The following BPIFA2 variants were observed in gnomAD, a reference collection of about 807,000 sequenced individuals.
BPIFA2 encodes BPI fold containing family A member 2.
In BPIFA2, 20 loss-of-function variants were observed where a neutral mutation model predicts 25.7. That is an observed-to-expected ratio of 0.78 (90% CI 0.55 to 1.13). The LOEUF is 1.13. Ranked by LOEUF, BPIFA2 falls within the 50% of genes most tolerant of loss-of-function variation. BPIFA2 has a pLI of 0.00. For synonymous variants in BPIFA2, 126 were observed against 124.3 expected (o/e 1.01, Z -0.09); for missense variants, 300 against 298.1 (o/e 1.01, Z -0.05).
At chr20:33,176,892 G>A (rs546355154) in intron 5 of BPIFA2, among the ~76,000 whole-genome samples, 2 of 151,806 alleles carry the variant, frequency 1.3e-5, no homozygotes, top group Non-Finnish European at 2.9e-5. Flanking sequence ...TGGCTACCTA[G>A]AGCACCTTCT....
At position 33,180,507 on chromosome 20, in the gene BPIFA2, T is replaced by G. The variant is rs1479659008; in HGVS notation, c.710-13T>G. 12 of 1,611,908 alleles carry G rather than the reference T, an allele frequency of 7.4e-6. No individual in the cohort carries two copies. Among genetic ancestry groups the G allele is most frequent in the Non-Finnish European group, 1.0e-5 (12 of 1,178,012 alleles). On this transcript the variant is annotated splice_polypyrimidine_tract_variant and intron_variant, in intron 7 of 8. Coordinates refer to ENST00000354932, the MANE Select transcript of BPIFA2 (RefSeq NM_080574.4). Reference sequence around the variant, plus strand: ...GCAGAGACTAAGGCCTGCTATTGATTTTGTTTCTTCAGATAATCCTCAGCA... The same window carrying G: ...GCAGAGACTAAGGCCTGCTATTGATGTTGTTTCTTCAGATAATCCTCAGCA...
At chr20:33,171,389 G>C (rs1983892887) in intron 2 of BPIFA2, among the ~76,000 whole-genome samples, 1 of 152,130 alleles carries the variant, frequency 6.6e-6, no homozygotes, top group Admixed American at 6.5e-5. Flanking sequence ...TAACAAATGG[G>C]ATCTAATTAA....
At chr20:33,179,738 T>C in intron 7 of BPIFA2, 71 bp downstream of exon 7, 2 of 1,444,720 alleles carry the variant, frequency 1.4e-6, no homozygotes, top group Admixed American at 3.3e-5. Flanking sequence ...TAAGCAGTTC[T>C]GGTCAGGGGA....
At chr20:33,169,069 T>A in intron 1 of BPIFA2, 62 bp from the exon 2 acceptor site, 1 of 1,362,678 alleles carries the variant, frequency 7.3e-7, no homozygotes, top group Non-Finnish European at 1.0e-6. Flanking sequence ...TGATGGGAAC[T>A]CACTGAAGAG....
intron 2 of BPIFA2, among the ~76,000 whole-genome samples, chr20:33,170,468 C>T (rs964203336): frequency 2.6e-5 from 4 of 152,198 alleles, no homozygotes; most frequent in Admixed American, 2.6e-4. Context: ...CTAGAGTACA[C>T]TGCCAGCCTC....
chr20:33,172,813 A>G (rs1808493984), intron 2 of BPIFA2, 119 bp from the exon 3 acceptor site: 2 of 1,131,068 alleles, frequency 1.8e-6, no homozygotes, highest in South Asian at 3.4e-5. Flanking sequence ...TATCTACTTC[A>G]CTGAGTTGTT....
chr20:33,169,777 T>C (rs1983839597), intron 2 of BPIFA2, among the ~76,000 whole-genome samples: 1 of 152,226 alleles, frequency 6.6e-6, no homozygotes, highest in South Asian at 2.1e-4. Flanking sequence ...ATATTTTAAC[T>C]TGAGGATTTT....
chr20:33,165,701 G>A (rs1983702892), upstream of BPIFA2, among the ~76,000 whole-genome samples: 1 of 152,196 alleles, frequency 6.6e-6, no homozygotes, highest in African/African-American at 2.4e-5. Flanking sequence ...CCTAGTCTTG[G>A]CACAGCTAAT....
At position 33,177,354 on chromosome 20, in the gene BPIFA2, C is replaced by CA. The variant is rs57465925; in HGVS notation, c.564-777dup. Among the ~76,000 whole-genome samples, 604 of 120,710 alleles carry CA rather than the reference C, an allele frequency of 5.0e-3. 1 individual carries two copies. Among genetic ancestry groups the CA allele is most frequent in the Middle Eastern group, 0.014 (3 of 218 alleles). 79.2% of individuals were successfully genotyped at this position (120,710 alleles called of 152,430 possible). ...TGGGTGACAGAGCAAGACATTGTCT[C>CA]AAAAAAAAAAAAAAAAGTGTATTGA... On this transcript the variant is annotated intron_variant, in intron 5 of 8. Transcript: ENST00000354932.
intron 6 of BPIFA2, among the ~76,000 whole-genome samples, chr20:33,179,095 GT>G (rs1984183558): frequency 6.6e-6 from 1 of 152,084 alleles, no homozygotes; most frequent in Non-Finnish European, 1.5e-5. Flanking sequence ...ACACCCTAGG[GT>G]TTCCAGATTT....
At chr20:33,173,443 G>A (rs1983970270) in intron 3 of BPIFA2, among the ~76,000 whole-genome samples, 2 of 152,174 alleles carry the variant, frequency 1.3e-5, no homozygotes, top group Admixed American at 6.5e-5. Flanking sequence ...GAAGGGAACT[G>A]GAGTCTTCGC....
upstream of BPIFA2, among the ~76,000 whole-genome samples, chr20:33,164,336 G>C (rs1034936075): frequency 6.6e-6 from 1 of 152,134 alleles, no homozygotes; most frequent in African/African-American, 2.4e-5. Flanking sequence ...AACAGGGAGC[G>C]ACCCAGAGAG....
chr20:33,165,041 T>C (rs539997043), upstream of BPIFA2, among the ~76,000 whole-genome samples: 2 of 152,348 alleles, frequency 1.3e-5, no homozygotes, highest in South Asian at 2.1e-4. Context: ...AGGGAAATAC[T>C]TGAGCGCTGA....
At chr20:33,167,449 G>A (rs1302663829), upstream of BPIFA2, among the ~76,000 whole-genome samples, 1 of 152,170 alleles carries the variant, frequency 6.6e-6, no homozygotes, top group Non-Finnish European at 1.5e-5. Flanking sequence ...CTTCCCTGGT[G>A]GCCCAAATGC....
intron 4 of BPIFA2, among the ~76,000 whole-genome samples, chr20:33,174,784 G>A (rs530045231): frequency 1.1e-3 from 166 of 152,216 alleles, no homozygotes; most frequent in African/African-American, 3.7e-3. Context: ...GGCAGCACAC[G>A]CCTGTAGTCC....
chr20:33,171,862 A>C (rs1435388572), intron 2 of BPIFA2, among the ~76,000 whole-genome samples: 1 of 152,192 alleles, frequency 6.6e-6, no homozygotes, highest in African/African-American at 2.4e-5. Context: ...CAGAAATACC[A>C]TTTGACCCAG....
In BPIFA2 at chr20:33,178,240, A is replaced by G. The variant is rs756229519; in HGVS notation, c.645+12A>G. 4.5e-6 allele frequency: 7 copies of G among 1,563,908 alleles called. No individual in the cohort carries two copies. The Admixed American group carries it at 1.2e-4, about 26-fold the overall frequency. ...TGCTGCAGAAGGAGGTGAGTCTCCC[A>G]CTCCTTGGAGCCCAGATCCAGGCCT... On this transcript the variant is annotated intron_variant, in intron 6 of 8. Coordinates refer to ENST00000354932, the MANE Select transcript of BPIFA2 (RefSeq NM_080574.4).
chr20:33,175,610 C>A (rs757246239), intron 5 of BPIFA2, 51 bp downstream of exon 5: 1 of 1,583,792 alleles, frequency 6.3e-7, no homozygotes, highest in Non-Finnish European at 8.6e-7. Context: ...ACTTGAGGAC[C>A]CCTAATTTCA....
At chr20:33,175,270 A>G in intron 4 of BPIFA2, 137 bp from the exon 5 acceptor site, 1 of 837,378 alleles carries the variant, frequency 1.2e-6, no homozygotes, top group South Asian at 1.9e-5. Context: ...GAGGATATGG[A>G]CCATGTTGAT....
Sources: gnomAD v4.1 joint callset for allele counts (sites outside exome capture counted in the v4.1 genomes callset) on GRCh38, gnomAD v4.1.1 for gene constraint, MANE v1.5 for transcripts, NCBI Gene and HGNC (gene_info 2026-07-23, HGNC 2026-07-21) for gene names.